Variants in TNS3 observed in about 807,000 individuals in gnomAD.
TNS3 encodes the protein tensin-3.
TNS3 carries 45 observed loss-of-function variants against 140.9 expected under a neutral mutation model. That is an observed-to-expected ratio of 0.32 (90% CI 0.25 to 0.41). The LOEUF (loss-of-function observed/expected upper bound fraction) is 0.41, where lower values mean the gene tolerates loss of function less well. Ranked by LOEUF, TNS3 falls within the 10% of genes least tolerant of loss-of-function variation. The pLI, the probability that TNS3 is intolerant of heterozygous loss-of-function variation, is 1.00. For synonymous variants in TNS3, 815 were observed against 788.4 expected (o/e 1.03, Z -0.56); for missense variants, 1,716 against 1,906.7 (o/e 0.90, Z 1.86).
At chr7:47,360,714 G>A (rs1197168403) in intron 17 of TNS3, among the ~76,000 whole-genome samples, 1 of 152,172 alleles carries the variant, frequency 6.6e-6, no homozygotes, top group East Asian at 1.9e-4. Flanking sequence ...TGAGTCCTTG[G>A]AGGGCTCCAG....
At chr7:47,447,784 C>A (rs761067411) in intron 4 of TNS3, among the ~76,000 whole-genome samples, 1 of 152,200 alleles carries the variant, frequency 6.6e-6, no homozygotes, top group Non-Finnish European at 1.5e-5. Flanking sequence ...CACCCCACCA[C>A]GCGCCATTTG....
intron 20 of TNS3, among the ~76,000 whole-genome samples, chr7:47,311,688 C>T (rs967164237): frequency 6.6e-6 from 1 of 152,146 alleles, no homozygotes; most frequent in East Asian, 1.9e-4. Context: ...CTTAAAAATT[C>T]TAACATACCT....
intron 16 of TNS3, among the ~76,000 whole-genome samples, chr7:47,387,578 G>T (rs1792149949): frequency 6.6e-6 from 1 of 152,216 alleles, no homozygotes; most frequent in South Asian, 2.1e-4. Flanking sequence ...GATTGTCCCA[G>T]CTGCACCTTT....
intron 17 of TNS3, among the ~76,000 whole-genome samples, chr7:47,359,942 TCTC>T (rs1442879095): frequency 6.6e-6 from 1 of 152,162 alleles, no homozygotes; most frequent in Non-Finnish European, 1.5e-5. Flanking sequence ...GATAGCACCT[TCTC>T]CTCTGTGGCC....
intron 20 of TNS3, among the ~76,000 whole-genome samples, chr7:47,323,959 A>G (rs1787889936): frequency 6.6e-6 from 1 of 152,230 alleles, no homozygotes; most frequent in African/African-American, 2.4e-5. Context: ...ATGCACCCGG[A>G]TTTTCTACTA....
intron 17 of TNS3, among the ~76,000 whole-genome samples, chr7:47,347,965 C>G (rs1789445138): frequency 6.6e-6 from 1 of 152,180 alleles, no homozygotes; most frequent in Admixed American, 6.5e-5. Flanking sequence ...CCCCTCACTA[C>G]AGCATCCTCA....
intron 17 of TNS3, among the ~76,000 whole-genome samples, chr7:47,349,892 T>C (rs1789563123): frequency 6.6e-6 from 1 of 152,162 alleles, no homozygotes; most frequent in Non-Finnish European, 1.5e-5. Context: ...GGTGCTCTCA[T>C]AGAGAAAAGC....
chr7:47,533,754 A>C (rs1231571992), intron 1 of TNS3, among the ~76,000 whole-genome samples: 2 of 152,088 alleles, frequency 1.3e-5, no homozygotes, highest in African/African-American at 4.8e-5. Flanking sequence ...GATAATGAAT[A>C]ATTATCATGA....
At chr7:47,565,121 A>C (rs574933480) in intron 1 of TNS3, among the ~76,000 whole-genome samples, 2 of 150,888 alleles carry the variant, frequency 1.3e-5, no homozygotes, top group African/African-American at 4.9e-5. Flanking sequence ...TCTGTCACCC[A>C]AGCTGGAGTG....
intron 20 of TNS3, among the ~76,000 whole-genome samples, chr7:47,332,684 G>A (rs1020465403): frequency 1.8e-4 from 28 of 152,232 alleles, no homozygotes; most frequent in African/African-American, 9.6e-5. Context: ...TTACACTACC[G>A]TATTCACAGG....
At chr7:47,302,116 A>T in intron 23 of TNS3, 70 bp downstream of exon 23, 1 of 1,325,428 alleles carries the variant, frequency 7.5e-7, no homozygotes, top group Non-Finnish European at 1.1e-6. Flanking sequence ...CGCAGGGCCC[A>T]TCTTCACACA....
chr7:47,471,339 G>T (rs1227692615), intron 4 of TNS3, among the ~76,000 whole-genome samples: 1 of 152,192 alleles, frequency 6.6e-6, no homozygotes, highest in African/African-American at 2.4e-5. Flanking sequence ...AAGGGGCAGG[G>T]ACCATCCTGG....
At chr7:47,569,172 G>C (rs972904328) in intron 1 of TNS3, among the ~76,000 whole-genome samples, 11 of 152,200 alleles carry the variant, frequency 7.2e-5, no homozygotes, top group African/African-American at 2.7e-4. Flanking sequence ...AAAGCAAAAA[G>C]GGGGAGAGGA....
intron 1 of TNS3, among the ~76,000 whole-genome samples, chr7:47,560,217 A>C (rs1481822897): frequency 6.6e-6 from 1 of 152,000 alleles, no homozygotes; most frequent in Non-Finnish European, 1.5e-5. Flanking sequence ...CTGGAGCCTC[A>C]GGATGGGCTT....
chr7:47,292,013 T>C lies in TNS3; in HGVS notation c.3870A>G (p.Ala1290=). ...TGGCTGCCGTCTGGGGAGAACTTTCTGCTATTTCCTCCAATGGATCTGTAG... is the reference window on the plus strand; with the variant it reads ...TGGCTGCCGTCTGGGGAGAACTTTCCGCTATTTCCTCCAATGGATCTGTAG... The part of the protein sequence containing the change: ...IPERDPLEEI[A]ESSPQTAANS... Residue 1290 remains alanine, a synonymous_variant, in exon 27 of 31, where the codon GCA becomes GCG. Coordinates refer to ENST00000311160, the MANE Select transcript of TNS3 (RefSeq NM_022748.12). 4 of 1,614,204 alleles carry C rather than the reference T, an allele frequency of 2.5e-6. No homozygotes were observed. Among genetic ancestry groups the C allele is most frequent in the Non-Finnish European group, 2.5e-6 (3 of 1,180,024 alleles).
intron 20 of TNS3, among the ~76,000 whole-genome samples, chr7:47,320,100 A>G (rs1248680453): frequency 6.6e-6 from 1 of 152,170 alleles, no homozygotes; most frequent in Non-Finnish European, 1.5e-5. Context: ...CAGAAAACAT[A>G]AGTTATCTTT....
rs137944254 is a variant in TNS3, at chr7:47,533,929, T to C, written c.-264-4782A>G. Reference sequence around the variant, plus strand: ...TTTTCCTGTATAAATTGCCCAGTCTTGGGTATGTCTTCATCAGCAGCATGA... The same window carrying C: ...TTTTCCTGTATAAATTGCCCAGTCTCGGGTATGTCTTCATCAGCAGCATGA... On this transcript the variant is annotated intron_variant, in intron 1 of 30. Coordinates refer to ENST00000311160, the MANE Select transcript of TNS3 (RefSeq NM_022748.12). 4.0e-3 allele frequency among the ~76,000 whole-genome samples: 602 copies of C among 152,230 alleles called. 4 individuals carry two copies. Among genetic ancestry groups the C allele is most frequent in the African/African-American group, 0.014 (580 of 41,536 alleles).
At chr7:47,429,512 C>A (rs1018867281) in intron 8 of TNS3, among the ~76,000 whole-genome samples, 2 of 152,100 alleles carry the variant, frequency 1.3e-5, no homozygotes, top group African/African-American at 4.8e-5. Context: ...GGACTACAGG[C>A]GCCCGCCACC....
chr7:47,286,650 A>G (rs1486521455), intron 27 of TNS3, among the ~76,000 whole-genome samples: 1 of 152,224 alleles, frequency 6.6e-6, no homozygotes, highest in Non-Finnish European at 1.5e-5. Flanking sequence ...TCTGAGGCCC[A>G]CATGTGGGAA....
Sources: gnomAD v4.1 joint callset for allele counts (sites outside exome capture counted in the v4.1 genomes callset) on GRCh38, gnomAD v4.1.1 for gene constraint, MANE v1.5 for transcripts, NCBI Gene and HGNC (gene_info 2026-07-23, HGNC 2026-07-21) for gene names.